RAG1: variants seen among roughly 807,000 people sequenced by gnomAD.
RAG1 encodes recombination activating 1.
A neutral mutation model predicts 62.7 loss-of-function variants in RAG1; 35 were observed. The observed-to-expected ratio is 0.56, with a 90% CI of 0.43 to 0.74. The LOEUF (loss-of-function observed/expected upper bound fraction) is 0.74, where lower values mean the gene tolerates loss of function less well. RAG1 is among the 30% of genes least tolerant of loss of function. The pLI is 0.00. For synonymous variants in RAG1, 461 were observed against 470.3 expected, an observed-to-expected ratio of 0.98 and a Z score of 0.26; for missense variants, 1,169 against 1,278.6, an observed-to-expected ratio of 0.91 and a Z score of 1.31.
chr11:36,516,087 T>C (rs565628210), intron 1 of RAG1, among the ~76,000 whole-genome samples: 8 of 152,364 alleles, frequency 5.3e-5, no homozygotes, highest in African/African-American at 1.9e-4. Context: ...AGTTTTGTTC[T>C]TAATTTTGCC....
At position 36,575,549 on chromosome 11, in the gene RAG1, A is replaced by G. The variant is rs542851147; in HGVS notation, c.2245A>G (p.Ile749Val). The change falls in exon 2 of 2, where the codon ATA becomes GTA. Residue 749 changes from isoleucine (I) to valine (V), a missense_variant. Ile to Val is a conservative substitution (Grantham distance 29). Coordinates refer to ENST00000299440, the MANE Select transcript of RAG1 (RefSeq NM_000448.3). The surrounding 1 kb of genome is among the most constrained non-coding windows in gnomAD (Gnocchi z 4.1). Reference protein sequence around the residue: ...EASQNLVFHSITRSHAENLER... With the variant: ...EASQNLVFHSVTRSHAENLER... ...CTCTCAAAATCTTGTCTTCCACTCT[A>G]TAACCAGAAGCCATGCTGAGAACCT... 10 of 1,614,226 alleles carry G rather than the reference A, an allele frequency of 6.2e-6. No individual in the cohort carries two copies. The African/African-American group carries it at 1.2e-4, about 19-fold the overall frequency.
upstream of RAG1, among the ~76,000 whole-genome samples, chr11:36,563,104 C>T (rs145046096): frequency 2.2e-4 from 34 of 152,308 alleles, no homozygotes; most frequent in Admixed American, 6.5e-5. Flanking sequence ...CCCATCTTAA[C>T]TTAATCAACC....
At chr11:36,516,948 T>C (rs995686906) in intron 1 of RAG1, among the ~76,000 whole-genome samples, 5 of 152,174 alleles carry the variant, frequency 3.3e-5, no homozygotes, top group African/African-American at 1.2e-4. Context: ...TTGAAACAAT[T>C]GGAGGTTTAT....
Position 36,575,963 on chromosome 11 carries a change from G to A in RAG1, c.2659G>A (p.Asp887Asn), listed in dbSNP as rs4151034. 3,960 of 1,614,160 alleles carry A rather than the reference G, an allele frequency of 2.5e-3. 40 individuals carry two copies. The highest frequency in any genetic ancestry group is 1.3e-3 in the Non-Finnish European group (1,591 of 1,180,008). Residue 887 changes from aspartate (D) to asparagine (N), a missense_variant, in exon 2 of 2, where the codon GAT becomes AAT. Asp to Asn is a conservative substitution (Grantham distance 23). Around this residue, in one of 2 missense-constraint regions of RAG1, gnomAD observed 800 missense variants for 943.3 expected, o/e 0.85. Transcript: ENST00000299440. This position sits in a 1 kb window ranked among gnomAD's most constrained non-coding sequence, Gnocchi z 4.1. ...GCACGAGGCTCTGAGGGAGCTGATGGATCTTTACCTGAAGATGAAACCAGT... is the reference window on the plus strand; with the variant it reads ...GCACGAGGCTCTGAGGGAGCTGATGAATCTTTACCTGAAGATGAAACCAGT... ...ERHEALRELM[D>N]LYLKMKPVWR...
intron 2 of RAG1, among the ~76,000 whole-genome samples, chr11:36,528,198 C>T (rs1860195586): frequency 6.6e-6 from 1 of 152,128 alleles, no homozygotes; most frequent in Non-Finnish European, 1.5e-5. Context: ...ACATTCTTCT[C>T]AGCACCACAT....
At chr11:36,546,418 T>G (rs1012537647) in intron 3 of RAG1, among the ~76,000 whole-genome samples, 1 of 152,208 alleles carries the variant, frequency 6.6e-6, no homozygotes, top group African/African-American at 2.4e-5. Context: ...CTTTTTGCTT[T>G]CCATTTGCTT....
chr11:36,573,149 G>A (rs1446455428), intron 1 of RAG1, 142 bp from the exon 2 acceptor site: 12 of 852,232 alleles, frequency 1.4e-5, no homozygotes, highest in Non-Finnish European at 7.1e-6. Context: ...CACCTAACAT[G>A]ATATATTAAG....
At chr11:36,534,099 TA>T (rs1174259818) in intron 2 of RAG1, among the ~76,000 whole-genome samples, 1 of 152,086 alleles carries the variant, frequency 6.6e-6, no homozygotes, top group African/African-American at 2.4e-5. Flanking sequence ...AGGTAATTTT[TA>T]AATATTTATA....
chr11:36,563,534 A>G (rs1850620202), upstream of RAG1: 1 of 152,172 alleles, frequency 6.6e-6, no homozygotes, highest in Non-Finnish European at 1.5e-5. Flanking sequence ...TCTCTCTCTC[A>G]TAGCAGATTT....
upstream of RAG1, among the ~76,000 whole-genome samples, chr11:36,563,942 G>A (rs947890533): frequency 8.5e-5 from 13 of 152,166 alleles, no homozygotes; most frequent in African/African-American, 3.1e-4. Flanking sequence ...TTAGCTCTGA[G>A]AAATTTAGGT....
intron 1 of RAG1, among the ~76,000 whole-genome samples, chr11:36,572,587 T>C (rs557819326): frequency 1.3e-5 from 2 of 152,210 alleles, no homozygotes; most frequent in South Asian, 2.1e-4. Context: ...TTGTTGCAGG[T>C]TTAGAGTTCC....
Position 36,573,328 on chromosome 11 carries a change from C to T in RAG1, c.24C>T (p.Thr8=), listed in dbSNP as rs1478317933. The T allele has an allele frequency of 6.2e-7, 1 of 1,614,194 alleles. No individual in the cohort carries two copies. Among genetic ancestry groups the T allele is most frequent in the Non-Finnish European group, 8.5e-7 (1 of 1,180,026 alleles). MAASFPP[T]LGLSSAPDEI... ...GCATGGCAGCCTCTTTCCCACCCAC[C>T]TTGGGACTCAGTTCTGCCCCAGATG... The change falls in exon 2 of 2, where the codon ACC becomes ACT. Residue 8 remains threonine, a synonymous_variant. Coordinates refer to ENST00000299440, the MANE Select transcript of RAG1 (RefSeq NM_000448.3).
At chr11:36,545,889 A>G (rs1241460407) in intron 3 of RAG1, among the ~76,000 whole-genome samples, 2 of 152,232 alleles carry the variant, frequency 1.3e-5, no homozygotes, top group African/African-American at 4.8e-5. Context: ...GTTTCCGTGT[A>G]GTCGTGCAGT....
At chr11:36,539,161 G>T (rs1860376376), downstream of RAG1, among the ~76,000 whole-genome samples, 1 of 152,128 alleles carries the variant, frequency 6.6e-6, no homozygotes, top group Admixed American at 6.5e-5. Flanking sequence ...CATAAGGGTG[G>T]GGTCTTAACC....
intron 3 of RAG1, among the ~76,000 whole-genome samples, chr11:36,562,750 G>A (rs1441463022): frequency 6.6e-6 from 1 of 152,168 alleles, no homozygotes; most frequent in Admixed American, 6.5e-5. Context: ...GGACTGGGTA[G>A]CTTAAACATA....
intron 1 of RAG1, among the ~76,000 whole-genome samples, chr11:36,572,032 G>T (rs1477222542): frequency 6.6e-6 from 1 of 152,096 alleles, no homozygotes; most frequent in Non-Finnish European, 1.5e-5. Context: ...TTGCCCCTCC[G>T]TACCTCCTAA....
upstream of RAG1, among the ~76,000 whole-genome samples, chr11:36,566,217 A>C (rs1408794710): frequency 6.6e-6 from 1 of 151,980 alleles, no homozygotes; most frequent in Non-Finnish European, 1.5e-5. Context: ...TAAATTATTG[A>C]CCTCAGAGAA....
At chr11:36,528,202 A>G (rs991067855) in intron 2 of RAG1, among the ~76,000 whole-genome samples, 1 of 152,138 alleles carries the variant, frequency 6.6e-6, no homozygotes. Flanking sequence ...TCTTCTCAGC[A>G]CCACATCACA....
At chr11:36,570,592 T>TAG (rs1850725655) in intron 1 of RAG1, among the ~76,000 whole-genome samples, 2 of 152,212 alleles carry the variant, frequency 1.3e-5, no homozygotes, top group Non-Finnish European at 2.9e-5. Flanking sequence ...TTTGAGGACC[T>TAG]CCATACTATT....
Sources: gnomAD v4.1 joint callset for allele counts (sites outside exome capture counted in the v4.1 genomes callset) on GRCh38, gnomAD v4.1.1 for gene constraint, gnomAD v4.1.1 regional missense constraint, Gnocchi (gnomAD v3.1) non-coding constraint, MANE v1.5 for transcripts, NCBI Gene and HGNC (gene_info 2026-07-23, HGNC 2026-07-21) for gene names.